Variants in ACSM4 observed in about 807,000 individuals in gnomAD.
The protein encoded by ACSM4 is acyl-CoA synthetase medium chain family member 4.
A neutral mutation model predicts 73.0 loss-of-function variants in ACSM4; 66 were observed. The observed-to-expected ratio is 0.90, with a 90% CI of 0.74 to 1.11. The LOEUF (loss-of-function observed/expected upper bound fraction) is 1.11, where lower values mean the gene tolerates loss of function less well. Ranked by LOEUF, ACSM4 falls within the 50% of genes least tolerant of loss-of-function variation. The probability of loss-of-function intolerance (pLI) is 0.00; values close to 1 mark genes in which losing one functional copy is unlikely to be tolerated. For synonymous variants in ACSM4, 222 were observed against 254.0 expected, an observed-to-expected ratio of 0.87 and a Z score of 1.20; for missense variants, 645 against 714.4, an observed-to-expected ratio of 0.90 and a Z score of 1.11.
chr12:7,322,621 C>T, intron 7 of ACSM4, 80 bp downstream of exon 7: 2 of 1,490,766 alleles, frequency 1.3e-6, no homozygotes, highest in South Asian at 1.4e-5. Flanking sequence ...CCTGAAGTGC[C>T]CCCATCCCAC....
intron 2 of ACSM4, among the ~76,000 whole-genome samples, chr12:7,308,728 C>T (rs2136328875): frequency 6.6e-6 from 1 of 152,274 alleles, no homozygotes; most frequent in African/African-American, 2.4e-5. Context: ...TATCCTTATG[C>T]ATTTATTCAC....
chr12:7,314,549 G>A (rs756518981), intron 3 of ACSM4, among the ~76,000 whole-genome samples: 1 of 152,082 alleles, frequency 6.6e-6, no homozygotes, highest in Non-Finnish European at 1.5e-5. Flanking sequence ...TAGGTAGGTA[G>A]ATAGGTAGAT....
chr12:7,321,265 T>C (rs1380365997), intron 6 of ACSM4, among the ~76,000 whole-genome samples: 1 of 152,242 alleles, frequency 6.6e-6, no homozygotes, highest in Non-Finnish European at 1.5e-5. Context: ...ACATTTATAC[T>C]GCTTTGAAGA....
At position 7,328,553 on chromosome 12, in the gene ACSM4, A is replaced by C; in HGVS notation, c.*180A>C. ...TTAAAAGTAAATAAAAGCCTCAAAA[A>C]CGTATGGATGAAAATTGTTATAATG... On this transcript the variant is annotated 3_prime_UTR_variant, in exon 13 of 13. Coordinates refer to ENST00000399422, the MANE Select transcript of ACSM4 (RefSeq NM_001080454.2). 2 of 387,664 alleles carry C rather than the reference A, an allele frequency of 5.2e-6. No homozygotes were observed. The highest frequency in any genetic ancestry group is 9.3e-6 in the Non-Finnish European group (2 of 215,132). The allele number at this position is 387,664 out of a possible 1,614,324, so 24.0% of individuals were successfully genotyped here.
At chr12:7,328,035 G>A (rs757976725) in intron 12 of ACSM4, among the ~76,000 whole-genome samples, 2 of 152,008 alleles carry the variant, frequency 1.3e-5, no homozygotes, top group South Asian at 4.2e-4. Flanking sequence ...AAAGCAATGG[G>A]GTAAAGGGAT....
intron 1 of ACSM4, 37 bp downstream of exon 1, chr12:7,304,569 C>T: frequency 6.4e-7 from 1 of 1,573,578 alleles, no homozygotes; most frequent in South Asian, 1.1e-5. Flanking sequence ...TGCTTGGTGT[C>T]CCCTTATCTC....
At chr12:7,309,252 C>T (rs1185175421) in intron 2 of ACSM4, among the ~76,000 whole-genome samples, 1 of 152,152 alleles carries the variant, frequency 6.6e-6, no homozygotes, top group Non-Finnish European at 1.5e-5. Context: ...CTTGATGATG[C>T]CAGACCACTG....
intron 2 of ACSM4, among the ~76,000 whole-genome samples, chr12:7,307,606 G>A (rs1029109634): frequency 6.6e-6 from 1 of 152,142 alleles, no homozygotes; most frequent in Non-Finnish European, 1.5e-5. Flanking sequence ...TTCTCCCCAA[G>A]TAGTAATTTA....
intron 3 of ACSM4, among the ~76,000 whole-genome samples, chr12:7,311,706 T>C (rs970945105): frequency 6.6e-6 from 1 of 152,206 alleles, no homozygotes; most frequent in Non-Finnish European, 1.5e-5. Flanking sequence ...TTGTTTTTTT[T>C]CTGAGACAGG....
chr12:7,306,840 C>T, intron 2 of ACSM4, 97 bp downstream of exon 2: 1 of 467,876 alleles, frequency 2.1e-6, no homozygotes, highest in African/African-American at 4.5e-5. Context: ...AGTATGCATA[C>T]AGAAGACAAA....
Position 7,310,641 on chromosome 12 carries a change from C to A in ACSM4, c.515C>A (p.Ala172Asp). 5 of 1,613,182 alleles carry A rather than the reference C, an allele frequency of 3.1e-6. No homozygotes were observed. The highest frequency in any genetic ancestry group is 4.2e-6 in the Non-Finnish European group (5 of 1,179,604). The change falls in exon 3 of 13, where the codon GCC becomes GAC. Residue 172 changes from alanine (A) to aspartate (D), a missense_variant. Transcript: ENST00000399422. ...AKCIVASEEV[A>D]PAVESIVLEC... ...TGCATTGTGGCCAGTGAGGAGGTGG[C>A]CCCAGCGGTGGAGTCCATTGTATTG...
chr12:7,304,863 T>C (rs1488345549), intron 1 of ACSM4, among the ~76,000 whole-genome samples: 1 of 152,182 alleles, frequency 6.6e-6, no homozygotes, highest in Admixed American at 6.5e-5. Context: ...AAGTAGCAAA[T>C]TGAGTTTTGA....
chr12:7,324,703 T>C (rs1946491126), intron 11 of ACSM4, 105 bp downstream of exon 11: 2 of 1,211,724 alleles, frequency 1.7e-6, no homozygotes, highest in Admixed American at 4.4e-5. Flanking sequence ...TTAATTCTCG[T>C]TATGAAGCAT....
chr12:7,309,827 A>C (rs979623164), intron 2 of ACSM4, among the ~76,000 whole-genome samples: 1 of 152,202 alleles, frequency 6.6e-6, no homozygotes, highest in African/African-American at 2.4e-5. Context: ...TCTGTCACCA[A>C]GGCTAGAATA....
intron 3 of ACSM4, among the ~76,000 whole-genome samples, chr12:7,311,527 C>G (rs1457322142): frequency 6.6e-6 from 1 of 152,200 alleles, no homozygotes; most frequent in Non-Finnish European, 1.5e-5. Context: ...ACAAGCCACT[C>G]TATTACAACG....
chr12:7,322,693 G>C (rs1019499550), intron 7 of ACSM4, among the ~76,000 whole-genome samples, 152 bp downstream of exon 7: 2 of 152,140 alleles, frequency 1.3e-5, no homozygotes, highest in Non-Finnish European at 2.9e-5. Flanking sequence ...AAAACTTGCA[G>C]ATTGCTCAGT....
At chr12:7,311,988 G>A (rs116967955) in intron 3 of ACSM4, among the ~76,000 whole-genome samples, 40 of 152,346 alleles carry the variant, frequency 2.6e-4, no homozygotes, top group Non-Finnish European at 4.3e-4. Context: ...ACTATGCTCA[G>A]CTCTGTTTTT....
At chr12:7,304,614 C>CT (rs1946351899) in intron 1 of ACSM4, 82 bp downstream of exon 1, 3 of 1,419,474 alleles carry the variant, frequency 2.1e-6, no homozygotes, top group Non-Finnish European at 3.0e-6. Flanking sequence ...TGGTCTACCA[C>CT]TTAATTCCAA....
chr12:7,306,864 A>AAG (rs1946365553), intron 2 of ACSM4, 121 bp downstream of exon 2: 1 of 891,560 alleles, frequency 1.1e-6, no homozygotes, highest in Non-Finnish European at 1.7e-6. Context: ...AAAAAAAAAA[A>AAG]GAAGAGTTAA....
Sources: gnomAD v4.1 joint callset for allele counts (sites outside exome capture counted in the v4.1 genomes callset) on GRCh38, gnomAD v4.1.1 for gene constraint, MANE v1.5 for transcripts, NCBI Gene and HGNC (gene_info 2026-07-23, HGNC 2026-07-21) for gene names.